The following GAB1 variants were observed in gnomAD, a reference collection of about 807,000 sequenced individuals.
The protein encoded by GAB1 is GRB2 associated binding protein 1, also known as GRB2-associated-binding protein 1.
GAB1 carries 19 observed loss-of-function variants against 66.5 expected under a neutral mutation model. The observed-to-expected ratio is 0.29, with a 90% CI of 0.20 to 0.42. The LOEUF (loss-of-function observed/expected upper bound fraction) is 0.42. Among genes scored for constraint, GAB1 ranks in the 10% least tolerant of loss-of-function variants. The pLI is 1.00. For synonymous variants in GAB1, 294 were observed against 301.4 expected, an observed-to-expected ratio of 0.98 and a Z score of 0.25; for missense variants, 732 against 858.5, an observed-to-expected ratio of 0.85 and a Z score of 1.84.
chr4:143,343,085 G>A (rs186160706), intron 1 of GAB1, among the ~76,000 whole-genome samples: 3 of 152,206 alleles, frequency 2.0e-5, no homozygotes, highest in Admixed American at 6.5e-5. Context: ...ATTCTACTTG[G>A]TTTTGCCATT....
chr4:143,407,349 A>C (rs1732102789), intron 1 of GAB1, among the ~76,000 whole-genome samples: 3 of 151,906 alleles, frequency 2.0e-5, no homozygotes. Context: ...AATTTCAACA[A>C]GTAAATTATA....
At chr4:143,454,940 A>C (rs1735104535) in intron 6 of GAB1, among the ~76,000 whole-genome samples, 1 of 151,660 alleles carries the variant, frequency 6.6e-6, no homozygotes, top group African/African-American at 2.4e-5. Context: ...TTCTTCCCAA[A>C]CAGGTTTGTT....
chr4:143,393,715 G>A (rs1310739667), intron 1 of GAB1, among the ~76,000 whole-genome samples: 2 of 152,016 alleles, frequency 1.3e-5, no homozygotes, highest in African/African-American at 4.8e-5. Context: ...AGAGTGGAGG[G>A]TCATTTTCTT....
chr4:143,378,507 G>T (rs138644951), intron 1 of GAB1, among the ~76,000 whole-genome samples: 264 of 152,112 alleles, frequency 1.7e-3, no homozygotes, highest in African/African-American at 5.6e-3. Flanking sequence ...AAATCTTTAT[G>T]CTTAGCAACA....
intron 8 of GAB1, among the ~76,000 whole-genome samples, chr4:143,463,722 T>C (rs746313997): frequency 9.9e-5 from 15 of 152,152 alleles, no homozygotes; most frequent in Middle Eastern, 3.2e-3. Flanking sequence ...CTAAACTGTT[T>C]TGGGAAAATA....
chr4:143,469,126 G>A lies in GAB1; in HGVS notation c.2022G>A (p.Arg674=), dbSNP rs991778418. The A allele has an allele frequency of 6.2e-7, 1 of 1,614,152 alleles. No individual in the cohort carries two copies. The highest frequency in any genetic ancestry group is 1.3e-5 in the African/African-American group (1 of 75,028). ...AGACCTTGGCTCTAAAGAGTACCCG[G>A]GAAGCCTGGACAGATGGGAGACAGT... ...QQKTLALKST[R]EAWTDGRQST... is the part of the protein sequence containing the mutation. The change falls in exon 10 of 10, where the codon CGG becomes CGA. Residue 674 remains arginine (R), a synonymous_variant. Transcript: ENST00000262994.
At chr4:143,385,706 A>G (rs1235903356) in intron 1 of GAB1, among the ~76,000 whole-genome samples, 1 of 152,226 alleles carries the variant, frequency 6.6e-6, no homozygotes, top group Non-Finnish European at 1.5e-5. Context: ...GCAAGCTTCA[A>G]GGGAGGCTGG....
intron 7 of GAB1, 81 bp from the exon 8 acceptor site, chr4:143,460,283 C>A: frequency 7.6e-7 from 1 of 1,307,906 alleles, no homozygotes; most frequent in Non-Finnish European, 1.1e-6. Context: ...AGAATGCAGA[C>A]TGTCTCTCAT....
At chr4:143,409,396 C>CCG (rs1553949808) in intron 1 of GAB1, among the ~76,000 whole-genome samples, 2 of 149,760 alleles carry the variant, frequency 1.3e-5, no homozygotes, top group Admixed American at 6.7e-5. Context: ...TCCCCCCCCC[C>CCG]GCTCTGAAAT....
intron 6 of GAB1, among the ~76,000 whole-genome samples, chr4:143,441,637 G>C (rs567865689): frequency 6.6e-6 from 1 of 152,236 alleles, no homozygotes; most frequent in African/African-American, 2.4e-5. Flanking sequence ...TGCTCTCTCT[G>C]TGCATTTCTG....
intron 1 of GAB1, among the ~76,000 whole-genome samples, chr4:143,389,717 A>C (rs1329201490): frequency 1.3e-5 from 2 of 152,252 alleles, no homozygotes; most frequent in African/African-American, 4.8e-5. Flanking sequence ...AGTGTCTAGC[A>C]GTGTACTCAT....
chr4:143,454,672 T>C (rs1280394911), intron 6 of GAB1, among the ~76,000 whole-genome samples: 1 of 152,176 alleles, frequency 6.6e-6, no homozygotes, highest in Non-Finnish European at 1.5e-5. Context: ...GTGGAAATGT[T>C]AATTCTTGGA....
At chr4:143,383,952 A>T (rs1182579232) in intron 1 of GAB1, among the ~76,000 whole-genome samples, 1 of 152,184 alleles carries the variant, frequency 6.6e-6, no homozygotes, top group Admixed American at 6.5e-5. Flanking sequence ...ACACTCCCAT[A>T]GTCCTAGCTA....
intron 9 of GAB1, among the ~76,000 whole-genome samples, chr4:143,467,350 C>T (rs1420168362): frequency 6.6e-6 from 1 of 152,206 alleles, no homozygotes; most frequent in Non-Finnish European, 1.5e-5. Context: ...TACAATACGT[C>T]TAGACATAGA....
At chr4:143,346,050 T>C (rs1346836403) in intron 1 of GAB1, among the ~76,000 whole-genome samples, 1 of 152,242 alleles carries the variant, frequency 6.6e-6, no homozygotes, top group Non-Finnish European at 1.5e-5. Context: ...GCTAACTTTT[T>C]AAATGAGAGG....
intron 9 of GAB1, among the ~76,000 whole-genome samples, chr4:143,466,551 G>A (rs949884962): frequency 7.9e-6 from 1 of 126,648 alleles, no homozygotes; most frequent in African/African-American, 3.1e-5. Flanking sequence ...GTGCAGTAGT[G>A]TGATCTTGGC....
At chr4:143,421,028 C>T (rs1364846430) in intron 2 of GAB1, among the ~76,000 whole-genome samples, 1 of 151,852 alleles carries the variant, frequency 6.6e-6, no homozygotes, top group Non-Finnish European at 1.5e-5. Context: ...TGTAACTGCC[C>T]CTCAGATTAA....
At chr4:143,440,034 T>G (rs1734137740) in intron 5 of GAB1, 45 bp from the exon 6 acceptor site, 4 of 1,545,910 alleles carry the variant, frequency 2.6e-6, no homozygotes, top group Non-Finnish European at 3.5e-6. Context: ...TTTTCATGTG[T>G]GACAAGAGTT....
intron 5 of GAB1, 24 bp from the exon 6 acceptor site, chr4:143,440,055 A>G: frequency 6.3e-7 from 1 of 1,586,712 alleles, no homozygotes; most frequent in Non-Finnish European, 8.6e-7. Flanking sequence ...TTTGTTTATT[A>G]AAAGAAATAT....
Sources: gnomAD v4.1 joint callset for allele counts (sites outside exome capture counted in the v4.1 genomes callset) on GRCh38, gnomAD v4.1.1 for gene constraint, MANE v1.5 for transcripts, NCBI Gene and HGNC (gene_info 2026-07-23, HGNC 2026-07-21) for gene names.